Variants in NSRP1 observed in about 807,000 individuals in gnomAD.
NSRP1 encodes the protein nuclear speckle splicing regulatory protein 1, also known as coiled-coil domain containing 55.
Under a neutral mutation model 54.7 loss-of-function variants are expected in NSRP1, and 24 were observed. The ratio of observed to expected loss-of-function variants is 0.44; its 90% CI spans 0.32 to 0.62. The LOEUF (loss-of-function observed/expected upper bound fraction) is 0.62, where lower values mean the gene tolerates loss of function less well. Ranked by LOEUF, NSRP1 falls within the 20% of genes least tolerant of loss-of-function variation. NSRP1 has a pLI of 0.06. For synonymous variants in NSRP1, 210 were observed against 213.8 expected, an observed-to-expected ratio of 0.98 and a Z score of 0.15; for missense variants, 596 against 651.2, an observed-to-expected ratio of 0.92 and a Z score of 0.92.
intron 2 of NSRP1, among the ~76,000 whole-genome samples, chr17:30,136,282 T>G (rs538591721): frequency 3.3e-5 from 5 of 152,232 alleles, no homozygotes; most frequent in Non-Finnish European, 7.3e-5. Flanking sequence ...TCCATAAATA[T>G]GTAGATTTGT....
Position 30,172,611 on chromosome 17 carries a change from A to G in NSRP1, c.171+13A>G, listed in dbSNP as rs201928319. On this transcript the variant is annotated intron_variant, in intron 3 of 6. Transcript: ENST00000247026. ...GGCCATGAAACAGGTAAGGTAGAAG[A>G]CTGGGATAAGTGCATTCAGTGAAGC... The G allele has an allele frequency of 6.2e-7, 1 of 1,606,078 alleles. No homozygotes were observed. Among genetic ancestry groups the G allele is most frequent in the East Asian group, 2.2e-5 (1 of 44,640 alleles).
intron 2 of NSRP1, among the ~76,000 whole-genome samples, chr17:30,125,290 G>A (rs2071639957): frequency 6.6e-6 from 1 of 152,186 alleles, no homozygotes; most frequent in African/African-American, 2.4e-5. Flanking sequence ...TAAATTATTA[G>A]TGCTGTGGAA....
chr17:30,140,095 A>C (rs530278486), intron 2 of NSRP1, among the ~76,000 whole-genome samples: 1 of 152,240 alleles, frequency 6.6e-6, no homozygotes, highest in Non-Finnish European at 1.5e-5. Context: ...GAGGCTGCTT[A>C]CATGTAATAT....
At chr17:30,136,205 A>G (rs1419246806) in intron 2 of NSRP1, among the ~76,000 whole-genome samples, 2 of 152,222 alleles carry the variant, frequency 1.3e-5, no homozygotes, top group Non-Finnish European at 2.9e-5. Flanking sequence ...GGTATGATAC[A>G]ATTGAGAACT....
chr17:30,127,989 C>A, intron 2 of NSRP1: 1 of 396,798 alleles, frequency 2.5e-6, no homozygotes, highest in South Asian at 1.3e-4. Context: ...CACACACCAC[C>A]ATGCCTGGCT....
At position 30,179,144 on chromosome 17, in the gene NSRP1, GA is replaced by G; in HGVS notation, c.361del (p.Arg121GlufsTer24). The G allele has an allele frequency of 1.2e-6, 2 of 1,603,762 alleles. No individual in the cohort carries two copies. The highest frequency in any genetic ancestry group is 1.1e-5 in the South Asian group (1 of 89,320). Reference sequence around the variant, plus strand: ...AGTTGAGATCAGAAAAAAGGAACAGGAAAAAAGAATGGAAAAGAAAATACAG... The same window carrying G: ...AGTTGAGATCAGAAAAAAGGAACAGGAAAAAGAATGGAAAAGAAAATACAG... ...KAVEIRKKEQ[E>X]KRMEKKIQRE... On this transcript the variant is annotated frameshift_variant, in exon 5 of 7. Transcript: ENST00000247026. LOFTEE classifies it high-confidence loss of function.
At chr17:30,138,918 T>TTTG (rs1187289130) in intron 2 of NSRP1, among the ~76,000 whole-genome samples, 3 of 131,452 alleles carry the variant, frequency 2.3e-5, no homozygotes, top group African/African-American at 5.7e-5. Context: ...CGTTTTTTTT[T>TTTG]TTTTTTTTTT....
At chr17:30,133,345 C>CA (rs1485879704) in intron 2 of NSRP1, among the ~76,000 whole-genome samples, 1 of 152,018 alleles carries the variant, frequency 6.6e-6, no homozygotes, top group Admixed American at 6.6e-5. Flanking sequence ...GGCCTGAAAA[C>CA]AACATTCATC....
intron 3 of NSRP1, among the ~76,000 whole-genome samples, chr17:30,174,886 G>A (rs1337146230): frequency 6.6e-6 from 1 of 152,172 alleles, no homozygotes; most frequent in Non-Finnish European, 1.5e-5. Context: ...TTCATTAAGA[G>A]TTTTTAAGTA....
chr17:30,173,708 T>A (rs1905034576), intron 3 of NSRP1, among the ~76,000 whole-genome samples: 1 of 152,232 alleles, frequency 6.6e-6, no homozygotes, highest in Non-Finnish European at 1.5e-5. Context: ...GATGCTTTTA[T>A]AATCCTTATT....
chr17:30,160,393 G>C (rs928633714), intron 2 of NSRP1, among the ~76,000 whole-genome samples: 1 of 152,142 alleles, frequency 6.6e-6, no homozygotes, highest in African/African-American at 2.4e-5. Context: ...TTCTTTGTAA[G>C]TTTGGTAGAC....
intron 2 of NSRP1, among the ~76,000 whole-genome samples, chr17:30,143,764 G>C (rs1005591025): frequency 2.6e-5 from 4 of 152,044 alleles, no homozygotes; most frequent in Admixed American, 1.3e-4. Flanking sequence ...TTAAATATTT[G>C]CATTTCCGAT....
At chr17:30,169,690 A>T (rs894722161) in intron 2 of NSRP1, among the ~76,000 whole-genome samples, 3 of 152,064 alleles carry the variant, frequency 2.0e-5, no homozygotes, top group Non-Finnish European at 4.4e-5. Context: ...TTTGTTATCA[A>T]CATCTTTCCC....
At chr17:30,134,736 T>C (rs1369207005) in intron 2 of NSRP1, among the ~76,000 whole-genome samples, 1 of 152,178 alleles carries the variant, frequency 6.6e-6, no homozygotes, top group Non-Finnish European at 1.5e-5. Context: ...AGTTAGTTTG[T>C]TCATAATGGA....
chr17:30,138,935 T>TTTTTA (rs2071776883), intron 2 of NSRP1, among the ~76,000 whole-genome samples: 2 of 145,844 alleles, frequency 1.4e-5, no homozygotes, highest in Admixed American at 6.9e-5. Context: ...TTTTTTTTTT[T>TTTTTA]GAGATGGAGT....
At chr17:30,148,186 TTC>T in intron 2 of NSRP1, among the ~76,000 whole-genome samples, 1 of 152,254 alleles carries the variant, frequency 6.6e-6, no homozygotes, top group East Asian at 1.9e-4. Context: ...TAAGTCATTT[TTC>T]TCCTGTGGTT....
chr17:30,125,279 T>G (rs889026274), intron 2 of NSRP1, among the ~76,000 whole-genome samples: 1 of 152,244 alleles, frequency 6.6e-6, no homozygotes, highest in Non-Finnish European at 1.5e-5. Flanking sequence ...TAAGCAACAA[T>G]TAAATTATTA....
In NSRP1 at chr17:30,184,987, CCA is replaced by C; in HGVS notation, c.991_992del (p.His331LeufsTer3). The C allele has an allele frequency of 1.9e-6, 3 of 1,613,978 alleles. No homozygotes were observed. Among genetic ancestry groups the C allele is most frequent in the Non-Finnish European group, 2.5e-6 (3 of 1,180,008 alleles). On this transcript the variant is annotated frameshift_variant, in exon 7 of 7. Transcript: ENST00000247026. LOFTEE classifies it high-confidence loss of function. ...AGAAGCAATCCAGAGACCAAGAGAA[CCA>C]TTACACTGACCGTGATTACCGGAAA... Reference protein sequence around the residue: ...QQKQSRDQENHYTDRDYRKER... With the variant: ...QQKQSRDQENXYTDRDYRKER...
intron 2 of NSRP1, among the ~76,000 whole-genome samples, chr17:30,169,944 CAT>C (rs1282869304): frequency 6.6e-6 from 1 of 151,306 alleles, no homozygotes; most frequent in East Asian, 1.9e-4. Context: ...ATTTTGTGTA[CAT>C]ATATATATTT....
Sources: allele counts gnomAD v4.1 joint callset (sites outside exome capture counted in the v4.1 genomes callset), GRCh38; gene constraint gnomAD v4.1.1; transcripts MANE v1.5; gene names NCBI Gene and HGNC (gene_info 2026-07-23, HGNC 2026-07-21).